PRR5: variants seen among roughly 807,000 people sequenced by gnomAD.
PRR5 encodes the protein proline-rich protein 5.
PRR5 carries 25 observed loss-of-function variants against 30.6 expected under a neutral mutation model. The observed-to-expected ratio is 0.82, with a 90% CI of 0.60 to 1.14. The LOEUF is 1.14. Among genes scored for constraint, PRR5 ranks in the 50% most tolerant of loss-of-function variants. The probability of loss-of-function intolerance (pLI) is 0.00; values close to 1 mark genes in which losing one functional copy is unlikely to be tolerated. For missense variants in PRR5, 600 were observed against 547.1 expected (o/e 1.10, Z -0.96); for synonymous variants, 286 against 247.1 (o/e 1.16, Z -1.48).
intron 1 of PRR5, among the ~76,000 whole-genome samples, chr22:44,704,949 G>A (rs1926944183): frequency 6.6e-6 from 1 of 152,186 alleles, no homozygotes; most frequent in East Asian, 1.9e-4. Context: ...GCTCCTAGCG[G>A]TGCTCCCTGC....
intron 1 of PRR5, among the ~76,000 whole-genome samples, chr22:44,680,469 G>A (rs1204424762): frequency 1.3e-5 from 2 of 152,180 alleles, no homozygotes; most frequent in African/African-American, 4.8e-5. Flanking sequence ...GTCCCTGCCT[G>A]GTGGGGCAGC....
Position 44,702,483 on chromosome 22 carries a change from T to C in PRR5, c.9T>C (p.Thr3=). 6.9e-7 allele frequency: 1 copy of C among 1,458,460 alleles called. No individual in the cohort carries two copies. 90.3% of individuals were successfully genotyped at this position (1,458,460 alleles called of 1,614,324 possible). The part of the protein sequence containing the change: MR[T]LRRLKFMSSP... ...AGGCGGCCCGGGTCACCATGAGGAC[T>C]CTCCGCAGGTTGAAGTTCATGAGTT... Residue 3 remains threonine (T), a synonymous_variant, in exon 1 of 8, where the codon ACT becomes ACC. Coordinates refer to ENST00000336985, the MANE Select transcript of PRR5 (RefSeq NM_181333.4).
At position 44,677,952 on chromosome 22, in the gene PRR5, C is replaced by T. The variant is rs897847515; in HGVS notation, c.-11+712C>T. Among the ~76,000 whole-genome samples, 12 of 152,314 alleles carry T rather than the reference C, an allele frequency of 7.9e-5. 1 individual carries two copies. The South Asian group carries it at 2.3e-3, about 29-fold the overall frequency. ...TCCAGAGAGGCCCTGGCAGGCTTTG[C>T]ATTGGCTCATCCAGGAAATAACCGG... On this transcript the variant is annotated intron_variant, in intron 1 of 8. Coordinates refer to the PRR5 transcript ENST00000006251.
At chr22:44,724,910 T>C (rs1359096353) in intron 2 of PRR5, among the ~76,000 whole-genome samples, 1 of 152,114 alleles carries the variant, frequency 6.6e-6, no homozygotes, top group East Asian at 1.9e-4. Context: ...GCAAACCAAG[T>C]GTTGCAGGCC....
intron 1 of PRR5, among the ~76,000 whole-genome samples, chr22:44,705,979 T>C (rs1927129905): frequency 6.6e-6 from 1 of 152,040 alleles, no homozygotes; most frequent in Non-Finnish European, 1.5e-5. Flanking sequence ...TTTGTATTTT[T>C]AGTAGAGACA....
At chr22:44,709,893 G>A (rs762027121) in intron 1 of PRR5, among the ~76,000 whole-genome samples, 8 of 152,158 alleles carry the variant, frequency 5.3e-5, no homozygotes, top group Admixed American at 1.3e-4. Flanking sequence ...CCTCAGAACC[G>A]TAAGGGAACA....
chr22:44,686,406 G>A (rs989169494), intron 1 of PRR5, among the ~76,000 whole-genome samples: 32 of 152,142 alleles, frequency 2.1e-4, no homozygotes, highest in African/African-American at 7.0e-4. Context: ...GCATTAACTC[G>A]GCTCACTGCA....
chr22:44,716,750 G>C (rs576852966), intron 2 of PRR5, among the ~76,000 whole-genome samples: 35 of 152,210 alleles, frequency 2.3e-4, no homozygotes, highest in African/African-American at 7.9e-4. Flanking sequence ...TCTTCTGGAC[G>C]GTGTGGCCAC....
chr22:44,731,659 C>A, intron 4 of PRR5, 71 bp from the exon 5 acceptor site: 1 of 1,502,926 alleles, frequency 6.7e-7, no homozygotes, highest in Non-Finnish European at 9.3e-7. Context: ...CCTCTGATGA[C>A]CCATCCTGGG....
chr22:44,688,816 T>C (rs1019922533), intron 1 of PRR5, among the ~76,000 whole-genome samples: 5 of 151,860 alleles, frequency 3.3e-5, no homozygotes, highest in Non-Finnish European at 5.9e-5. Flanking sequence ...GGTGAAACCC[T>C]GTCTCTCCTA....
At chr22:44,716,946 C>G (rs1253855042) in intron 2 of PRR5, among the ~76,000 whole-genome samples, 1 of 151,980 alleles carries the variant, frequency 6.6e-6, no homozygotes, top group African/African-American at 2.4e-5. Flanking sequence ...CCTGTAGTAC[C>G]AGCTACTCAG....
intron 1 of PRR5, among the ~76,000 whole-genome samples, chr22:44,686,772 C>T (rs1031205715): frequency 6.6e-6 from 1 of 152,160 alleles, no homozygotes; most frequent in Non-Finnish European, 1.5e-5. Context: ...CCTTGGCCTC[C>T]CAAAGTAATT....
At chr22:44,689,951 A>G (rs958958811) in intron 1 of PRR5, among the ~76,000 whole-genome samples, 1 of 152,188 alleles carries the variant, frequency 6.6e-6, no homozygotes, top group Non-Finnish European at 1.5e-5. Flanking sequence ...ACCCGGCCTC[A>G]TTCCAGAGTT....
chr22:44,689,928 C>T (rs908189846), intron 1 of PRR5, among the ~76,000 whole-genome samples: 8 of 152,182 alleles, frequency 5.3e-5, no homozygotes, highest in Non-Finnish European at 1.0e-4. Flanking sequence ...GGATTACAGG[C>T]GTGAGCCATC....
chr22:44,708,596 A>T (rs1245567868), intron 1 of PRR5, among the ~76,000 whole-genome samples: 2 of 152,126 alleles, frequency 1.3e-5, no homozygotes, highest in Admixed American at 6.6e-5. Flanking sequence ...GGCCCTATGG[A>T]TGAGCTTTCA....
chr22:44,726,509 GC>G, intron 3 of PRR5, 67 bp from the exon 4 acceptor site: 1 of 1,609,890 alleles, frequency 6.2e-7, no homozygotes, highest in Non-Finnish European at 8.5e-7. Context: ...ACTCTCGGGG[GC>G]CCTGCTGGCC....
Position 44,730,652 on chromosome 22 carries a change from C to G in PRR5, c.323-1078C>G, listed in dbSNP as rs371492408. 22 of 1,029,016 alleles carry G rather than the reference C, an allele frequency of 2.1e-5. No homozygotes were observed. The East Asian group carries it at 1.1e-3, about 54-fold the overall frequency. The allele number at this position is 1,029,016 out of a possible 1,614,324, so 63.7% of individuals were successfully genotyped here. A position where few individuals can be genotyped will look rare whatever the true frequency, so the allele number is the denominator to read the frequency against. ...TGTGTCCCCATACCACTACGTCTGG[C>G]AAGCCCAGCTCCTATAGCCAGCTTG... On this transcript the variant is annotated intron_variant, in intron 4 of 7. Transcript: ENST00000336985.
chr22:44,682,187 G>A (rs1924353318), intron 1 of PRR5, among the ~76,000 whole-genome samples: 1 of 152,024 alleles, frequency 6.6e-6, no homozygotes, highest in Non-Finnish European at 1.5e-5. Context: ...TTGCTCTGCT[G>A]GCCCCAAAGC....
Position 44,691,505 on chromosome 22 carries a change from C to T in PRR5, c.-10-10987C>T, listed in dbSNP as rs1256761045. The stretch of plus-strand genomic sequence containing the variant: ...GAAGAGTTGGGGCCCCTCCAGCGCC[C>T]CTGCAGTTTGGGAGGCCGAGCAGTT... On this transcript the variant is annotated intron_variant, in intron 1 of 8. Coordinates refer to the PRR5 transcript ENST00000006251. This position sits in a 1 kb window ranked among gnomAD's most constrained non-coding sequence, Gnocchi z 4.4. Among the ~76,000 whole-genome samples the T allele has an allele frequency of 6.6e-6, 1 of 152,102 alleles. No individual in the cohort carries two copies. The highest frequency in any genetic ancestry group is 2.4e-5 in the African/African-American group (1 of 41,436).
Sources: gnomAD v4.1 joint callset for allele counts (sites outside exome capture counted in the v4.1 genomes callset) on GRCh38, gnomAD v4.1.1 for gene constraint, Gnocchi (gnomAD v3.1) non-coding constraint, MANE v1.5 for transcripts, NCBI Gene and HGNC (gene_info 2026-07-23, HGNC 2026-07-21) for gene names.